Variants in CADM2 observed in about 807,000 individuals in gnomAD.
CADM2 encodes the protein cell adhesion molecule 2.
Under a neutral mutation model 49.8 loss-of-function variants are expected in CADM2, and 12 were observed. The observed-to-expected ratio is 0.24, with a 90% CI of 0.15 to 0.39. CADM2 has a LOEUF of 0.39. Among genes scored for constraint, CADM2 ranks in the 10% least tolerant of loss-of-function variants. CADM2 has a pLI of 1.00. For synonymous variants in CADM2, 214 were observed against 175.4 expected (o/e 1.22, Z -1.74); for missense variants, 378 against 492.3 (o/e 0.77, Z 2.20).
intron 1 of CADM2, among the ~76,000 whole-genome samples, chr3:85,709,162 C>T (rs922187504): frequency 6.6e-5 from 10 of 152,076 alleles, no homozygotes; most frequent in African/African-American, 2.4e-4. Context: ...GAATATTTTT[C>T]AACTTGGCTT....
chr3:85,307,890 G>A (rs1028940272), intron 1 of CADM2, among the ~76,000 whole-genome samples: 13 of 145,616 alleles, frequency 8.9e-5, no homozygotes, highest in Middle Eastern at 7.0e-3. Context: ...TCAAAATGAA[G>A]ATATTAAAAT....
At position 84,984,378 on chromosome 3, in the gene CADM2, A is replaced by AAC. The variant is rs1354552815; in HGVS notation, c.61+24711_61+24712insCA. Among the ~76,000 whole-genome samples, 187 of 129,192 alleles carry AAC rather than the reference A, an allele frequency of 1.4e-3. 2 individuals carry two copies. The highest frequency in any genetic ancestry group is 4.6e-3 in the African/African-American group (173 of 37,624). The allele number at this position is 129,192 out of a possible 152,430, so 84.8% of individuals were successfully genotyped here. On this transcript the variant is annotated intron_variant, in intron 1 of 9. Transcript: ENST00000383699. ...AGCTAAAAAAAAAAAAAAAAAAAAA[A>AAC]AAAAAAACACTTGAGGCTGTCCTTA... is the stretch of plus-strand genomic sequence containing the variant.
At chr3:85,440,763 A>T (rs1355808307) in intron 1 of CADM2, among the ~76,000 whole-genome samples, 4 of 152,116 alleles carry the variant, frequency 2.6e-5, no homozygotes. Flanking sequence ...CAGGCGGATC[A>T]CTTGAGGTCA....
chr3:85,345,728 A>G (rs1186818045), intron 1 of CADM2, among the ~76,000 whole-genome samples: 1 of 152,210 alleles, frequency 6.6e-6, no homozygotes, highest in Non-Finnish European at 1.5e-5. Context: ...TTTTGCTGTA[A>G]AGGAAATTAT....
intron 1 of CADM2, among the ~76,000 whole-genome samples, chr3:85,422,430 AC>A (rs1450293772): frequency 2.0e-5 from 3 of 151,948 alleles, no homozygotes; most frequent in Non-Finnish European, 4.4e-5. Context: ...GGTGCCTGCC[AC>A]CACGCCCGGC....
intron 1 of CADM2, among the ~76,000 whole-genome samples, chr3:85,098,841 AGCCAT>A (rs779990015): frequency 1.3e-4 from 20 of 152,306 alleles, no homozygotes; most frequent in Non-Finnish European, 2.5e-4. Flanking sequence ...GTATAAGTGG[AGCCAT>A]GCAGTTCAAA....
intron 1 of CADM2, among the ~76,000 whole-genome samples, chr3:85,487,914 C>G (rs2039498028): frequency 6.6e-6 from 1 of 152,078 alleles, no homozygotes; most frequent in African/African-American, 2.4e-5. Context: ...TGAGTATAAA[C>G]TGTTGTTCCT....
chr3:85,665,318 A>G (rs1159315676), intron 1 of CADM2, among the ~76,000 whole-genome samples: 1 of 151,916 alleles, frequency 6.6e-6, no homozygotes, highest in Non-Finnish European at 1.5e-5. Context: ...CTCCAACTTT[A>G]TTAAATATAA....
chr3:85,491,304 T>C (rs1189930062), intron 1 of CADM2, among the ~76,000 whole-genome samples: 1 of 152,200 alleles, frequency 6.6e-6, no homozygotes, highest in Non-Finnish European at 1.5e-5. Context: ...TATTTAGATT[T>C]GGAAATTTTT....
intron 3 of CADM2, among the ~76,000 whole-genome samples, chr3:85,871,198 A>G (rs1354594400): frequency 6.6e-6 from 1 of 152,194 alleles, no homozygotes; most frequent in Non-Finnish European, 1.5e-5. Flanking sequence ...TGAATAAACA[A>G]CCCCATTAAA....
intron 5 of CADM2, among the ~76,000 whole-genome samples, chr3:85,912,046 C>G (rs1717672710): frequency 1.3e-5 from 2 of 151,836 alleles, no homozygotes; most frequent in Admixed American, 1.3e-4. Flanking sequence ...TGGGTTCACG[C>G]CATTCTCCTG....
intron 1 of CADM2, among the ~76,000 whole-genome samples, chr3:85,593,477 T>G (rs1310264571): frequency 6.6e-6 from 1 of 152,016 alleles, no homozygotes; most frequent in African/African-American, 2.4e-5. Context: ...TATATCTGTG[T>G]TCTTAGCCTT....
At chr3:85,932,882 G>A (rs1172324398) in intron 6 of CADM2, among the ~76,000 whole-genome samples, 1 of 152,054 alleles carries the variant, frequency 6.6e-6, no homozygotes, top group Non-Finnish European at 1.5e-5. Context: ...GGTTATTCCT[G>A]AGAGTTGTAT....
intron 1 of CADM2, among the ~76,000 whole-genome samples, chr3:85,544,301 G>A (rs569139938): frequency 1.6e-3 from 237 of 152,254 alleles, no homozygotes; most frequent in Non-Finnish European, 2.7e-3. Context: ...AGAGGAGGCC[G>A]GGCGCGGTTG....
At chr3:85,369,999 A>G (rs2033082083) in intron 1 of CADM2, among the ~76,000 whole-genome samples, 1 of 151,954 alleles carries the variant, frequency 6.6e-6, no homozygotes, top group African/African-American at 2.4e-5. Flanking sequence ...CAGAAGGATT[A>G]AAAGAGAAGA....
intron 1 of CADM2, among the ~76,000 whole-genome samples, chr3:85,596,693 T>C (rs1347740986): frequency 1.3e-5 from 2 of 152,008 alleles, no homozygotes; most frequent in South Asian, 2.1e-4. Flanking sequence ...TCTCAAAAAG[T>C]TCTATTGGAC....
intron 3 of CADM2, among the ~76,000 whole-genome samples, chr3:85,808,296 T>A (rs1014031390): frequency 6.6e-6 from 1 of 152,186 alleles, no homozygotes; most frequent in Admixed American, 6.6e-5. Flanking sequence ...CTTGTTATAA[T>A]CCTCTTCTCT....
rs111310365 is a variant in CADM2, at chr3:85,002,993, T to C, written c.61+43325T>C. 6.3e-3 allele frequency among the ~76,000 whole-genome samples: 965 copies of C among 152,098 alleles called. 16 individuals carry two copies. The highest frequency in any genetic ancestry group is 0.022 in the African/African-American group (924 of 41,518). On this transcript the variant is annotated intron_variant, in intron 1 of 9. Transcript: ENST00000383699. ...TTTTCATAATAGAGATGGGGGTCTC[T>C]GTTTCCTGCCCAGGCTTGTCTCAAA...
intron 1 of CADM2, among the ~76,000 whole-genome samples, chr3:85,554,882 A>ATT (rs902390475): frequency 6.5e-5 from 2 of 30,956 alleles, no homozygotes; most frequent in Non-Finnish European, 2.3e-4. Context: ...TTTTATTTTT[A>ATT]TTTTTTTTTT....
Sources: allele counts gnomAD v4.1 joint callset (sites outside exome capture counted in the v4.1 genomes callset), GRCh38; gene constraint gnomAD v4.1.1; transcripts MANE v1.5; gene names NCBI Gene and HGNC (gene_info 2026-07-23, HGNC 2026-07-21).